Variants in UTRN observed in about 807,000 individuals in gnomAD.
UTRN encodes the protein utrophin, also known as dystrophin-related protein 1.
A neutral mutation model predicts 463.9 loss-of-function variants in UTRN; 283 were observed. The ratio of observed to expected loss-of-function variants is 0.61; its 90% CI spans 0.55 to 0.67. The LOEUF is 0.67. Among genes scored for constraint, UTRN ranks in the 30% least tolerant of loss-of-function variants. UTRN has a pLI of 0.00. For missense variants in UTRN, 3,922 were observed against 4,084.3 expected (o/e 0.96, Z 1.08); for synonymous variants, 1,442 against 1,431.5 (o/e 1.01, Z -0.17).
At chr6:144,451,640 T>G (rs1788314747) in intron 18 of UTRN, 147 bp downstream of exon 18, 6 of 998,462 alleles carry the variant, frequency 6.0e-6, no homozygotes, top group Non-Finnish European at 8.4e-6. Flanking sequence ...TGTAGTGAAT[T>G]TTGAATCCAT....
chr6:144,648,818 A>T (rs1778526766), intron 51 of UTRN, among the ~76,000 whole-genome samples: 1 of 152,246 alleles, frequency 6.6e-6, no homozygotes, highest in Non-Finnish European at 1.5e-5. Flanking sequence ...ATGAAGAGTG[A>T]ATCATTTTAA....
rs1191948793 is a variant in UTRN at position 144,479,848 on chromosome 6, G to A, written c.3373G>A (p.Glu1125Lys). ...AAAAAGTAGGTTGTCTGAAAGTCAA[G>A]AAAAAGCTGCGAACCTGAAGAAAGA... ...TQKSRLSESQEKAANLKKDLA... is the reference protein window; with the variant it reads ...TQKSRLSESQKKAANLKKDLA... Residue 1125 changes from glutamate to lysine, a missense_variant, in exon 26 of 75, where the codon GAA becomes AAA. Coordinates refer to ENST00000367545, the MANE Select transcript of UTRN (RefSeq NM_007124.3). The A allele has an allele frequency of 6.2e-7, 1 of 1,613,846 alleles. No individual in the cohort carries two copies. Among genetic ancestry groups the A allele is most frequent in the Non-Finnish European group, 8.5e-7 (1 of 1,179,970 alleles).
intron 2 of UTRN, among the ~76,000 whole-genome samples, chr6:144,365,798 C>T (rs183922666): frequency 3.2e-3 from 489 of 152,242 alleles, no homozygotes; most frequent in Non-Finnish European, 4.9e-3. Flanking sequence ...AGTGCAGTGG[C>T]GTGATCTCGG....
intron 51 of UTRN, among the ~76,000 whole-genome samples, chr6:144,620,016 G>T (rs1775178349): frequency 1.3e-5 from 2 of 152,286 alleles, no homozygotes; most frequent in South Asian, 4.1e-4. Context: ...TATCCAGTGT[G>T]TCTGCATGAA....
At chr6:144,547,703 A>C (rs990815616) in intron 46 of UTRN, among the ~76,000 whole-genome samples, 2 of 152,184 alleles carry the variant, frequency 1.3e-5, no homozygotes, top group Non-Finnish European at 2.9e-5. Context: ...GTCTCAGTCT[A>C]TAATATACTG....
At chr6:144,730,794 A>T (rs1788438467) in intron 54 of UTRN, among the ~76,000 whole-genome samples, 1 of 151,648 alleles carries the variant, frequency 6.6e-6, no homozygotes, top group Non-Finnish European at 1.5e-5. Context: ...TATTATATTT[A>T]AACAAGTTAC....
intron 50 of UTRN, among the ~76,000 whole-genome samples, chr6:144,565,459 A>T (rs958783010): frequency 3.9e-5 from 6 of 152,174 alleles, no homozygotes; most frequent in Non-Finnish European, 7.4e-5. Flanking sequence ...AGGAGTGAAG[A>T]TGAAGAAGAG....
chr6:144,805,880 A>G (rs1778105125), intron 65 of UTRN, among the ~76,000 whole-genome samples: 1 of 152,154 alleles, frequency 6.6e-6, no homozygotes, highest in Admixed American at 6.6e-5. Context: ...TTGACAAAAG[A>G]GAGACAATAG....
chr6:144,355,640 G>A (rs1778485236), intron 2 of UTRN, among the ~76,000 whole-genome samples: 1 of 151,916 alleles, frequency 6.6e-6, no homozygotes, highest in South Asian at 2.1e-4. Flanking sequence ...TTTGAAATAA[G>A]CCTTTTATTT....
At chr6:144,653,653 C>T (rs1779051796) in intron 51 of UTRN, among the ~76,000 whole-genome samples, 1 of 151,872 alleles carries the variant, frequency 6.6e-6, no homozygotes, top group African/African-American at 2.4e-5. Flanking sequence ...TGTGAGTCTG[C>T]CATAACTTGT....
chr6:144,696,308 A>G (rs918717325), intron 52 of UTRN, among the ~76,000 whole-genome samples: 5 of 152,118 alleles, frequency 3.3e-5, no homozygotes, highest in African/African-American at 7.2e-5. Context: ...GAAATTATCT[A>G]TATCTACACT....
At chr6:144,487,519 A>C (rs1344955742) in intron 28 of UTRN, 29 bp from the exon 29 acceptor site, 1 of 1,569,320 alleles carries the variant, frequency 6.4e-7, no homozygotes, top group Admixed American at 1.8e-5. Context: ...TAAATGCATT[A>C]TTATTTTTTT....
chr6:144,569,415 T>C (rs1406988817), intron 50 of UTRN, among the ~76,000 whole-genome samples: 1 of 152,104 alleles, frequency 6.6e-6, no homozygotes, highest in Non-Finnish European at 1.5e-5. Context: ...TATCATTAAA[T>C]TTCACATTTG....
chr6:144,551,623 C>A (rs1355371805), intron 48 of UTRN, among the ~76,000 whole-genome samples: 1 of 152,102 alleles, frequency 6.6e-6, no homozygotes, highest in Non-Finnish European at 1.5e-5. Flanking sequence ...AAGATCCTTG[C>A]TTGGGGTTTG....
At chr6:144,578,111 G>A (rs1415516927) in intron 51 of UTRN, among the ~76,000 whole-genome samples, 4 of 152,106 alleles carry the variant, frequency 2.6e-5, no homozygotes. Flanking sequence ...GCTGAAGCAT[G>A]AGAATTACTT....
At chr6:144,796,576 C>T (rs565960000) in intron 63 of UTRN, among the ~76,000 whole-genome samples, 13 of 152,004 alleles carry the variant, frequency 8.6e-5, no homozygotes, top group African/African-American at 2.9e-4. Flanking sequence ...GAAAGATGTA[C>T]GAAGTTTTAT....
rs1779389854 is a variant in UTRN, at chr6:144,819,678, G to A, written c.9358-1204G>A. Among the ~76,000 whole-genome samples, 3 of 152,100 alleles carry A rather than the reference G, an allele frequency of 2.0e-5. No homozygotes were observed. In the South Asian group the frequency reaches 6.2e-4, roughly 32 times the overall value. The stretch of plus-strand genomic sequence containing the variant: ...ATTGCATGCCAGCTTGGGCAACAGA[G>A]CGAGACTCTGTCTCAAAAAAATAAA... On this transcript the variant is annotated intron_variant, in intron 65 of 74. Coordinates refer to ENST00000367545, the MANE Select transcript of UTRN (RefSeq NM_007124.3).
chr6:144,588,731 A>G (rs191477879), intron 51 of UTRN, among the ~76,000 whole-genome samples: 2 of 152,348 alleles, frequency 1.3e-5, no homozygotes, highest in East Asian at 1.9e-4. Context: ...AAATGTGCAG[A>G]CATAGCTCCT....
At chr6:144,335,603 T>C (rs1776656175) in intron 2 of UTRN, among the ~76,000 whole-genome samples, 9 of 152,222 alleles carry the variant, frequency 5.9e-5, no homozygotes, top group Admixed American at 5.9e-4. Context: ...GCTCTTTCAC[T>C]GCTGTACTGC....
Sources: allele counts gnomAD v4.1 joint callset (sites outside exome capture counted in the v4.1 genomes callset), GRCh38; gene constraint gnomAD v4.1.1; transcripts MANE v1.5; gene names NCBI Gene and HGNC (gene_info 2026-07-23, HGNC 2026-07-21).